Variants in CNIH3 observed in about 807,000 individuals in gnomAD.
CNIH3 encodes the protein cornichon family AMPA receptor auxiliary protein 3.
A neutral mutation model predicts 24.1 loss-of-function variants in CNIH3; 14 were observed. That is an observed-to-expected ratio of 0.58 (90% CI 0.38 to 0.91). CNIH3 has a LOEUF of 0.91. Among genes scored for constraint, CNIH3 ranks in the 40% least tolerant of loss-of-function variants. The pLI, the probability that CNIH3 is intolerant of heterozygous loss-of-function variation, is 0.00. For missense variants in CNIH3, 178 were observed against 196.8 expected (o/e 0.90, Z 0.57); for synonymous variants, 68 against 73.8 (o/e 0.92, Z 0.40).
At chr1:224,634,522 G>A (rs990924973) in intron 1 of CNIH3, among the ~76,000 whole-genome samples, 6 of 151,342 alleles carry the variant, frequency 4.0e-5, no homozygotes, top group African/African-American at 1.5e-4. Flanking sequence ...GCAGTGAGCC[G>A]AGATTGTGCC....
chr1:224,532,765 T>A (rs1053867092), intron 2 of CNIH3, among the ~76,000 whole-genome samples: 1 of 152,216 alleles, frequency 6.6e-6, no homozygotes, highest in Non-Finnish European at 1.5e-5. Context: ...CATCACCAAT[T>A]TGTATCTACT....
chr1:224,627,137 T>C (rs574536034), intron 1 of CNIH3, among the ~76,000 whole-genome samples: 1 of 152,292 alleles, frequency 6.6e-6, no homozygotes, highest in East Asian at 1.9e-4. Context: ...TGACTGATGG[T>C]GGCTCTCAGA....
chr1:224,442,064 G>A (rs1345991405), intron 1 of CNIH3, among the ~76,000 whole-genome samples: 1 of 143,438 alleles, frequency 7.0e-6, no homozygotes, highest in Non-Finnish European at 1.5e-5. Flanking sequence ...CATTGCTCAG[G>A]CAGGAGTGCA....
At chr1:224,654,596 A>C (rs1450005924) in intron 1 of CNIH3, among the ~76,000 whole-genome samples, 2 of 152,208 alleles carry the variant, frequency 1.3e-5, no homozygotes, top group Non-Finnish European at 2.9e-5. Flanking sequence ...TGAATCAGCA[A>C]ATGCCTTGCA....
At chr1:224,448,738 C>T (rs1007334953) in intron 1 of CNIH3, among the ~76,000 whole-genome samples, 2 of 152,140 alleles carry the variant, frequency 1.3e-5, no homozygotes, top group African/African-American at 2.4e-5. Context: ...GACTTCTGTA[C>T]GCATTTACTT....
chr1:224,676,019 G>A (rs551404788), intron 1 of CNIH3, among the ~76,000 whole-genome samples: 1 of 152,294 alleles, frequency 6.6e-6, no homozygotes, highest in East Asian at 1.9e-4. Flanking sequence ...GAAAACTTAT[G>A]TTTAGATAAA....
At chr1:224,566,122 A>G (rs1396169529) in intron 3 of CNIH3, 1 of 152,032 alleles carries the variant, frequency 6.6e-6, no homozygotes, top group Non-Finnish European at 1.5e-5. Context: ...TTATCTCTAT[A>G]GTATACCTGG....
chr1:224,489,497 A>G (rs1410322654), intron 1 of CNIH3, among the ~76,000 whole-genome samples: 1 of 152,172 alleles, frequency 6.6e-6, no homozygotes, highest in Non-Finnish European at 1.5e-5. Flanking sequence ...AAGCCGTAAA[A>G]ATGGGATGCT....
intron 1 of CNIH3, among the ~76,000 whole-genome samples, chr1:224,440,525 T>C (rs1008561793): frequency 1.3e-5 from 2 of 152,222 alleles, no homozygotes; most frequent in African/African-American, 4.8e-5. Flanking sequence ...GCTTCTGGCC[T>C]GAAGCATTAA....
At chr1:224,434,837 C>T (rs902406618) in exon 1 of CNIH3, 7 of 985,702 alleles carry the variant, frequency 7.1e-6, no homozygotes, top group Middle Eastern at 5.2e-4. Flanking sequence ...GCCTATACTG[C>T]CCTCCTCACT....
At chr1:224,643,124 G>T (rs902778745) in intron 1 of CNIH3, among the ~76,000 whole-genome samples, 2 of 152,128 alleles carry the variant, frequency 1.3e-5, no homozygotes, top group African/African-American at 4.8e-5. Context: ...TATGCACTTT[G>T]GTATTCACTT....
At chr1:224,529,003 T>A (rs749322050) in intron 2 of CNIH3, among the ~76,000 whole-genome samples, 1 of 152,206 alleles carries the variant, frequency 6.6e-6, no homozygotes, top group Non-Finnish European at 1.5e-5. Flanking sequence ...GGCATCACTG[T>A]TTCATGGACT....
At chr1:224,612,365 T>A (rs1682741118), upstream of CNIH3, among the ~76,000 whole-genome samples, 1 of 152,068 alleles carries the variant, frequency 6.6e-6, no homozygotes, top group Admixed American at 6.6e-5. This position sits in a 1 kb window ranked among gnomAD's most constrained non-coding sequence, Gnocchi z 4.7. Flanking sequence ...GAGGTATGCT[T>A]TTAGGGGCAT....
At chr1:224,734,431 T>G in intron 4 of CNIH3, 132 bp from the exon 5 acceptor site, 1 of 835,828 alleles carries the variant, frequency 1.2e-6, no homozygotes, top group Non-Finnish European at 1.9e-6. Flanking sequence ...GTGCTTCAAC[T>G]GTGATTTGGG....
chr1:224,739,729 G>T lies in CNIH3; in HGVS notation c.*373G>T. 1 of 259,116 alleles carries T rather than the reference G, an allele frequency of 3.9e-6. No individual in the cohort carries two copies. The highest frequency in any genetic ancestry group is 9.5e-5 in the East Asian group (1 of 10,484). 16.1% of individuals were successfully genotyped at this position (259,116 alleles called of 1,614,324 possible). A position where few individuals can be genotyped will look rare whatever the true frequency, so the allele number is the denominator to read the frequency against. The stretch of plus-strand genomic sequence containing the variant: ...AAGTTCAAATGAGTTCCTGGGAGCG[G>T]AGGCTGGAAGGCCACAAGGTGCTTG... On this transcript the variant is annotated 3_prime_UTR_variant, in exon 6 of 6. Coordinates refer to ENST00000272133, the MANE Select transcript of CNIH3 (RefSeq NM_152495.2).
intron 4 of CNIH3, among the ~76,000 whole-genome samples, chr1:224,571,483 G>A (rs1680813226): frequency 6.6e-6 from 1 of 152,142 alleles, no homozygotes; most frequent in South Asian, 2.1e-4. Flanking sequence ...CCAGCACTTT[G>A]GGAGGCTGAG....
chr1:224,463,430 C>T lies in CNIH3; in HGVS notation n.203+28568C>T, dbSNP rs1289726307. Among the ~76,000 whole-genome samples, 25 of 148,780 alleles carry T rather than the reference C, an allele frequency of 1.7e-4. No homozygotes were observed. The East Asian group carries it at 3.3e-3, about 20-fold the overall frequency. ...AATACAAGTCTTTTTTTTTTTGAGG[C>T]GGAGCTTCACTCTTGTTGCCTAGGC... On this transcript the variant is annotated intron_variant and non_coding_transcript_variant, in intron 1 of 5. Transcript: ENST00000471578.
At chr1:224,696,454 C>G (rs7554221) in intron 3 of CNIH3, among the ~76,000 whole-genome samples, 2,385 of 152,296 alleles carry the variant, frequency 0.016, 65 homozygotes, top group African/African-American at 0.055. Flanking sequence ...GGCTGCAGAT[C>G]TCTGTCTCAT....
intron 1 of CNIH3, among the ~76,000 whole-genome samples, chr1:224,667,371 C>A (rs1685644765): frequency 6.6e-6 from 1 of 152,168 alleles, no homozygotes. Context: ...GTTAATTAAT[C>A]AACAGGTGAC....
Sources: gnomAD v4.1 joint callset for allele counts (sites outside exome capture counted in the v4.1 genomes callset) on GRCh38, gnomAD v4.1.1 for gene constraint, Gnocchi (gnomAD v3.1) non-coding constraint, MANE v1.5 for transcripts, NCBI Gene and HGNC (gene_info 2026-07-23, HGNC 2026-07-21) for gene names.